SLC10A7: variants seen among roughly 807,000 people sequenced by gnomAD.
The protein encoded by SLC10A7 is solute carrier family 10 member 7, also known as sodium/bile acid cotransporter 7.
A neutral mutation model predicts 43.2 loss-of-function variants in SLC10A7; 29 were observed. The observed-to-expected ratio is 0.67, with a 90% CI of 0.50 to 0.92. The LOEUF (loss-of-function observed/expected upper bound fraction) is 0.92. Among genes scored for constraint, SLC10A7 ranks in the 40% least tolerant of loss-of-function variants. The pLI is 0.00. For synonymous variants in SLC10A7, 152 were observed against 144.8 expected (o/e 1.05, Z -0.35); for missense variants, 295 against 403.2 (o/e 0.73, Z 2.30).
intron 5 of SLC10A7, among the ~76,000 whole-genome samples, chr4:146,374,613 T>TAC (rs533034687): frequency 1.7e-5 from 2 of 119,442 alleles, no homozygotes; most frequent in African/African-American, 6.7e-5. Flanking sequence ...TATATATATA[T>TAC]ACACATACAC....
chr4:146,286,765 A>G (rs867402238), intron 9 of SLC10A7, among the ~76,000 whole-genome samples: 87 of 127,292 alleles, frequency 6.8e-4, no homozygotes, highest in African/African-American at 2.6e-3. Flanking sequence ...GAGTGGTGAG[A>G]AGGACTGTGT....
chr4:146,285,436 C>A (rs1729831170), intron 9 of SLC10A7, among the ~76,000 whole-genome samples: 1 of 152,140 alleles, frequency 6.6e-6, no homozygotes, highest in South Asian at 2.1e-4. Flanking sequence ...GCTTTTGGAG[C>A]AAACACACCT....
chr4:146,285,341 T>C (rs563496332), intron 9 of SLC10A7, among the ~76,000 whole-genome samples: 16 of 152,112 alleles, frequency 1.1e-4, no homozygotes, highest in Non-Finnish European at 2.1e-4. Flanking sequence ...AAACAGGAGA[T>C]GGTGGAAAGA....
At chr4:146,354,065 G>A (rs1225913742) in intron 5 of SLC10A7, among the ~76,000 whole-genome samples, 1 of 146,592 alleles carries the variant, frequency 6.8e-6, no homozygotes, top group Non-Finnish European at 1.5e-5. Flanking sequence ...AGGAAATAAA[G>A]GGTATTCAAT....
chr4:146,360,221 T>G (rs991889116), intron 5 of SLC10A7, among the ~76,000 whole-genome samples: 4 of 115,234 alleles, frequency 3.5e-5, no homozygotes, highest in African/African-American at 1.1e-4. Flanking sequence ...ACTGTTGTTT[T>G]TCCTCTGAAT....
chr4:146,371,297 G>C (rs975996660), intron 5 of SLC10A7, among the ~76,000 whole-genome samples: 2 of 152,176 alleles, frequency 1.3e-5, no homozygotes, highest in Non-Finnish European at 2.9e-5. Flanking sequence ...TAGACACAAT[G>C]TTATTTACCT....
chr4:146,501,098 G>A (rs962067391), intron 4 of SLC10A7, among the ~76,000 whole-genome samples: 9 of 152,004 alleles, frequency 5.9e-5, no homozygotes, highest in African/African-American at 2.2e-4. Context: ...ACCTCTTAAT[G>A]TTGGAGTGAT....
At chr4:146,286,042 G>C (rs1729896886) in intron 9 of SLC10A7, among the ~76,000 whole-genome samples, 1 of 147,296 alleles carries the variant, frequency 6.8e-6, no homozygotes, top group Non-Finnish European at 1.5e-5. Context: ...GACTGTGTTT[G>C]GAGTGGTGAA....
intron 4 of SLC10A7, among the ~76,000 whole-genome samples, chr4:146,485,801 A>G (rs1364979472): frequency 6.6e-6 from 1 of 152,182 alleles, no homozygotes; most frequent in Admixed American, 6.5e-5. Context: ...GGGTCCTTCT[A>G]AAGAGTCTAG....
intron 4 of SLC10A7, among the ~76,000 whole-genome samples, chr4:146,483,343 G>A (rs1734645871): frequency 6.6e-6 from 1 of 152,064 alleles, no homozygotes; most frequent in African/African-American, 2.4e-5. Context: ...CATAAATGGG[G>A]TAAGGTAAAT....
chr4:146,410,797 C>A (rs1201197006), intron 5 of SLC10A7, among the ~76,000 whole-genome samples: 3 of 152,028 alleles, frequency 2.0e-5, no homozygotes, highest in Non-Finnish European at 2.9e-5. Flanking sequence ...TTTAAAAGAT[C>A]TTTTAAGGCA....
intron 5 of SLC10A7, among the ~76,000 whole-genome samples, chr4:146,331,220 T>C (rs1321590660): frequency 6.6e-6 from 1 of 152,144 alleles, no homozygotes; most frequent in African/African-American, 2.4e-5. Flanking sequence ...TTATTAACAA[T>C]TGACCAAAAC....
chr4:146,289,418 T>C (rs544634729), intron 9 of SLC10A7, among the ~76,000 whole-genome samples: 112 of 152,208 alleles, frequency 7.4e-4, no homozygotes, highest in Non-Finnish European at 1.3e-3. Context: ...CTAATGACAA[T>C]ATAGGTTTCT....
At chr4:146,447,056 C>T (rs1378117527) in intron 4 of SLC10A7, among the ~76,000 whole-genome samples, 1 of 152,076 alleles carries the variant, frequency 6.6e-6, no homozygotes, top group Non-Finnish European at 1.5e-5. Context: ...AGACTCCCAT[C>T]CACCCCATTC....
chr4:146,311,750 G>T (rs1731993959), intron 6 of SLC10A7, among the ~76,000 whole-genome samples: 1 of 151,170 alleles, frequency 6.6e-6, no homozygotes, highest in African/African-American at 2.5e-5. Context: ...CCAGCCCTGG[G>T]GAAAGGGAAA....
intron 5 of SLC10A7, among the ~76,000 whole-genome samples, chr4:146,339,568 T>C (rs952540212): frequency 6.6e-6 from 1 of 151,964 alleles, no homozygotes; most frequent in Non-Finnish European, 1.5e-5. Flanking sequence ...ATGAGCATCA[T>C]TGGTCCACAG....
At position 146,307,373 on chromosome 4, in the gene SLC10A7, AACTGG is replaced by A. The variant is rs1325084621; in HGVS notation, c.472-1369_472-1365del. Among the ~76,000 whole-genome samples, 6 of 152,304 alleles carry A rather than the reference AACTGG, an allele frequency of 3.9e-5. No individual in the cohort carries two copies. In the East Asian group the frequency reaches 9.6e-4, roughly 24 times the overall value. On this transcript the variant is annotated intron_variant, in intron 6 of 11. Coordinates refer to ENST00000335472, the MANE Select transcript of SLC10A7 (RefSeq NM_001029998.6). ...GAAGAGAGACAAACAGAAAAAGTGA[AACTGG>A]AAAAGAACAAACAGGATTCCTGGTG...
At chr4:146,441,401 T>G (rs1730589393) in intron 5 of SLC10A7, among the ~76,000 whole-genome samples, 1 of 152,230 alleles carries the variant, frequency 6.6e-6, no homozygotes. Context: ...TCGTATATTT[T>G]GTTTTAGTCA....
intron 5 of SLC10A7, 45 bp downstream of exon 5, chr4:146,442,738 T>A (rs1381219397): frequency 7.5e-6 from 12 of 1,594,540 alleles, no homozygotes; most frequent in Non-Finnish European, 9.4e-6. Context: ...ATACACAATA[T>A]CACAGCAAAA....
Sources: gnomAD v4.1 joint callset for allele counts (sites outside exome capture counted in the v4.1 genomes callset) on GRCh38, gnomAD v4.1.1 for gene constraint, MANE v1.5 for transcripts, NCBI Gene and HGNC (gene_info 2026-07-23, HGNC 2026-07-21) for gene names.